The following LTBP2 variants were observed in gnomAD, a reference collection of about 807,000 sequenced individuals.
LTBP2 encodes latent transforming growth factor beta binding protein 2.
A neutral mutation model predicts 210.6 loss-of-function variants in LTBP2; 103 were observed. The ratio of observed to expected loss-of-function variants is 0.49; its 90% CI spans 0.42 to 0.58. The LOEUF (loss-of-function observed/expected upper bound fraction) is 0.58, where lower values mean the gene tolerates loss of function less well. Among genes scored for constraint, LTBP2 ranks in the 20% least tolerant of loss-of-function variants. The pLI is 0.00. For synonymous variants in LTBP2, 1,007 were observed against 1,015.0 expected (o/e 0.99, Z 0.15); for missense variants, 2,313 against 2,494.5 (o/e 0.93, Z 1.55).
rs78373734 is a variant in LTBP2, at chr14:74,517,827, C to T, written c.2789-886G>A. Among the ~76,000 whole-genome samples the T allele has an allele frequency of 1.1e-4, 16 of 152,352 alleles. No homozygotes were observed. In the East Asian group the frequency reaches 2.1e-3, roughly 20 times the overall value. Reference sequence around the variant, plus strand: ...ATCATCTAAAGCCCAACCCCACTCACGCCCCTCCACTGCTTAAACTCCTAC... The same window carrying T: ...ATCATCTAAAGCCCAACCCCACTCATGCCCCTCCACTGCTTAAACTCCTAC... On this transcript the variant is annotated intron_variant, in intron 17 of 35. Transcript: ENST00000261978.
At chr14:74,519,018 A>ACTCC (rs2087169568) in intron 17 of LTBP2, among the ~76,000 whole-genome samples, 2 of 152,194 alleles carry the variant, frequency 1.3e-5, no homozygotes, top group Non-Finnish European at 2.9e-5. Flanking sequence ...TGGAGACGTG[A>ACTCC]ATAGAGAAAG....
chr14:74,557,619 T>C (rs1353122922), intron 3 of LTBP2, among the ~76,000 whole-genome samples: 1 of 152,222 alleles, frequency 6.6e-6, no homozygotes, highest in East Asian at 1.9e-4. Context: ...AATTGTCTCA[T>C]ACATTTGGAC....
chr14:74,553,923 C>CATGT (rs554124863), intron 4 of LTBP2, among the ~76,000 whole-genome samples: 1 of 130,574 alleles, frequency 7.7e-6, no homozygotes, highest in Non-Finnish European at 1.6e-5. Flanking sequence ...AGCGGAGAAA[C>CATGT]GTGTGTGTGT....
intron 25 of LTBP2, among the ~76,000 whole-genome samples, chr14:74,507,586 C>T (rs2087007528): frequency 6.6e-6 from 1 of 152,196 alleles, no homozygotes; most frequent in Non-Finnish European, 1.5e-5. Flanking sequence ...CTATCCCTAC[C>T]AGCAGAGCAC....
rs986542449 is a variant in LTBP2, at chr14:74,500,761, C to T, written c.*123G>A. ...CTAAGCTGGGAGAGATGAAAGCAGG[C>T]AAGGCTGATTGGAAACCTCTGGCCT... On this transcript the variant is annotated 3_prime_UTR_variant, in exon 36 of 36. Transcript: ENST00000261978. 50 of 1,335,054 alleles carry T rather than the reference C, an allele frequency of 3.7e-5. No homozygotes were observed. In the Admixed American group the frequency reaches 8.3e-4, roughly 22 times the overall value. 82.7% of individuals were successfully genotyped at this position (1,335,054 alleles called of 1,614,324 possible).
At chr14:74,568,781 C>T (rs1300021728) in intron 3 of LTBP2, among the ~76,000 whole-genome samples, 2 of 152,142 alleles carry the variant, frequency 1.3e-5, no homozygotes, top group Non-Finnish European at 2.9e-5. Flanking sequence ...TATTCTAGTT[C>T]CAGAGCCTAT....
At chr14:74,531,960 A>T (rs1486860033) in intron 10 of LTBP2, among the ~76,000 whole-genome samples, 5 of 152,228 alleles carry the variant, frequency 3.3e-5, no homozygotes, top group Non-Finnish European at 7.3e-5. Flanking sequence ...TCAGAACCAC[A>T]AGGGGCCACA....
chr14:74,557,335 T>G (rs1056309693), intron 3 of LTBP2, among the ~76,000 whole-genome samples: 2 of 152,196 alleles, frequency 1.3e-5, no homozygotes, highest in African/African-American at 4.8e-5. Context: ...GTTACAAACA[T>G]TTATGTCTGG....
At position 74,552,259 on chromosome 14, in the gene LTBP2, AC is replaced by A; in HGVS notation, c.1326del (p.Ser443ProfsTer11). On this transcript the variant is annotated frameshift_variant, in exon 6 of 36. Coordinates refer to ENST00000261978, the MANE Select transcript of LTBP2 (RefSeq NM_000428.3). LOFTEE classifies it high-confidence loss of function. ...GCTTCCAGCAAGGCCCTGGGGCGGG[AC>A]CCCCTCCCTGGAGGCTCCCTGTCCG... ...PQPDREPPGR[G>X]SRPRALLEAP... The A allele has an allele frequency of 1.2e-6, 2 of 1,610,834 alleles. No homozygotes were observed. Among genetic ancestry groups the A allele is most frequent in the Non-Finnish European group, 1.7e-6 (2 of 1,178,968 alleles).
intron 2 of LTBP2, 83 bp downstream of exon 2, chr14:74,603,552 C>T (rs1437199641): frequency 1.5e-5 from 21 of 1,444,534 alleles, no homozygotes; most frequent in Non-Finnish European, 1.9e-5. Flanking sequence ...AGTACCTAAG[C>T]TTGACCTGCC....
At chr14:74,526,436 T>C (rs1348978645) in intron 13 of LTBP2, among the ~76,000 whole-genome samples, 1 of 152,210 alleles carries the variant, frequency 6.6e-6, no homozygotes, top group Non-Finnish European at 1.5e-5. Context: ...CCCTAGCATC[T>C]CAACACAGTA....
In LTBP2 at chr14:74,552,988, G is replaced by A. The variant is rs368186583; in HGVS notation, c.1096C>T (p.Arg366Cys). 233 of 1,614,018 alleles carry A rather than the reference G, an allele frequency of 1.4e-4. No individual in the cohort carries two copies. The highest frequency in any genetic ancestry group is 1.8e-4 in the Non-Finnish European group (215 of 1,180,014). ...TPTICKQTCA[R>C]GHCANSCERG... Reference sequence around the variant, plus strand: ...TCACAGCTGTTGGCACAGTGTCCACGGGCACAGGTCTGCTTGCAGATGGTG... The same window carrying A: ...TCACAGCTGTTGGCACAGTGTCCACAGGCACAGGTCTGCTTGCAGATGGTG... Residue 366 changes from arginine to cysteine, a missense_variant, in exon 5 of 36, where the codon CGT becomes TGT. By Grantham distance (180) the Arg-to-Cys change is radical. Around this residue, in one of 3 missense-constraint regions of LTBP2, gnomAD observed 1,867 missense variants for 1,976.9 expected, o/e 0.94. Coordinates refer to ENST00000261978, the MANE Select transcript of LTBP2 (RefSeq NM_000428.3).
In LTBP2 at chr14:74,506,576, C is replaced by G. The variant is rs550577599; in HGVS notation, c.4033+122G>C. On this transcript the variant is annotated intron_variant, in intron 27 of 35. Transcript: ENST00000261978. ...GTTGAAGTCTCCCTCTTCTTTGAAG[C>G]CTCCCTTGCCCATGCTCTGGGGACC... is the stretch of plus-strand genomic sequence containing the variant. 76 of 1,478,794 alleles carry G rather than the reference C, an allele frequency of 5.1e-5. 1 individual carries two copies. In the South Asian group the frequency reaches 8.1e-4, roughly 16 times the overall value. The allele number at this position is 1,478,794 out of a possible 1,614,324, so 91.6% of individuals were successfully genotyped here. A position where few individuals can be genotyped will look rare whatever the true frequency, so the allele number is the denominator to read the frequency against.
chr14:74,572,316 T>G (rs201553237), intron 3 of LTBP2, among the ~76,000 whole-genome samples: 6 of 59,442 alleles, frequency 1.0e-4, no homozygotes, highest in Non-Finnish European at 3.0e-4. Context: ...TCTGTGTGTG[T>G]GTGTGTGAGA....
At chr14:74,538,035 A>G (rs1476766842) in intron 8 of LTBP2, among the ~76,000 whole-genome samples, 4 of 152,226 alleles carry the variant, frequency 2.6e-5, no homozygotes, top group African/African-American at 9.6e-5. Flanking sequence ...AATTATAGGC[A>G]TGAGCCACCG....
rs760783103 is a variant in LTBP2 at position 74,510,138 on chromosome 14, G to A, written c.3104C>T (p.Ser1035Phe). Residue 1035 changes from serine (S) to phenylalanine (F), a missense_variant, in exon 20 of 36, where the codon TCT becomes TTT. By Grantham distance (155) the Ser-to-Phe change is radical (BLOSUM62 -2). Coordinates refer to ENST00000261978, the MANE Select transcript of LTBP2 (RefSeq NM_000428.3). Reference sequence around the variant, plus strand: ...GGTGACCTCATAGCCCTGCTCACAAGAGCATCTGAAGGAGCCTTCTAGGTT... The same window carrying A: ...GGTGACCTCATAGCCCTGCTCACAAAAGCATCTGAAGGAGCCTTCTAGGTT... Reference protein sequence around the residue: ...CTNLEGSFRCSCEQGYEVTSD... With the variant: ...CTNLEGSFRCFCEQGYEVTSD... 1.9e-6 allele frequency: 3 copies of A among 1,614,028 alleles called. No homozygotes were observed. The Admixed American group carries it at 5.0e-5, about 27-fold the overall frequency.
chr14:74,523,498 AGGTATAGTG>A (rs2087234941), intron 15 of LTBP2, among the ~76,000 whole-genome samples: 1 of 151,834 alleles, frequency 6.6e-6, no homozygotes, highest in Non-Finnish European at 1.5e-5. Context: ...CTGGTAAGGG[AGGTATAGTG>A]GGTCCTTAAA....
Position 74,525,028 on chromosome 14 carries a change from G to A in LTBP2, c.2530+96C>T, listed in dbSNP as rs2087253743. 10 of 604,260 alleles carry A rather than the reference G, an allele frequency of 1.7e-5. No homozygotes were observed. In the South Asian group the frequency reaches 5.2e-4, roughly 31 times the overall value. The allele number at this position is 604,260 out of a possible 1,614,324, so 37.4% of individuals were successfully genotyped here. A position where few individuals can be genotyped will look rare whatever the true frequency, so the allele number is the denominator to read the frequency against. On this transcript the variant is annotated intron_variant, in intron 15 of 35. Transcript: ENST00000261978. The stretch of plus-strand genomic sequence containing the variant: ...CTTTACCTAGTTGGAAAGGTGAGGG[G>A]GCATTCCATTCATGCCCCTGCCCTG...
intron 26 of LTBP2, 65 bp from the exon 27 acceptor site, chr14:74,506,888 C>CATGCGCGCGT (rs1367323117): frequency 1.4e-6 from 2 of 1,404,510 alleles, no homozygotes; most frequent in East Asian, 4.9e-5. Flanking sequence ...TGCGCGCGCG[C>CATGCGCGCGT]GTGTGTGCTC....
Sources: allele counts gnomAD v4.1 joint callset (sites outside exome capture counted in the v4.1 genomes callset), GRCh38; gene constraint gnomAD v4.1.1; regional missense constraint gnomAD v4.1.1; transcripts MANE v1.5; gene names NCBI Gene and HGNC (gene_info 2026-07-23, HGNC 2026-07-21).